The following ZNF331 variants were observed in gnomAD, a reference collection of about 807,000 sequenced individuals.
ZNF331 encodes zinc finger protein 331.
In ZNF331, 2 loss-of-function variants were observed where a neutral mutation model predicts 7.0. The ratio of observed to expected loss-of-function variants is 0.29; its 90% CI spans 0.12 to 0.90. The LOEUF (loss-of-function observed/expected upper bound fraction) is 0.90. Among genes scored for constraint, ZNF331 ranks in the 40% least tolerant of loss-of-function variants. The pLI is 0.58. For missense variants in ZNF331, 432 were observed against 587.7 expected (o/e 0.74, Z 2.74); for synonymous variants, 196 against 205.4 (o/e 0.95, Z 0.39).
At chr19:53,511,444 T>A in the ZNF331 span, among the ~76,000 whole-genome samples, 2 of 151,964 alleles carry the variant, frequency 1.3e-5, no homozygotes, top group African/African-American at 4.8e-5. Context: ...CAGGGTAAAT[T>A]AAAACTATAA....
upstream of ZNF331, among the ~76,000 whole-genome samples, chr19:53,519,703 A>C (rs2086994145): frequency 6.6e-6 from 1 of 152,224 alleles, no homozygotes; most frequent in Non-Finnish European, 1.5e-5. Context: ...AGTCTGGGAC[A>C]GCATCAGAGA....
upstream of ZNF331, among the ~76,000 whole-genome samples, chr19:53,534,432 C>T (rs1568467626): frequency 6.6e-6 from 1 of 152,074 alleles, no homozygotes; most frequent in Non-Finnish European, 1.5e-5. Context: ...GGATTACAGG[C>T]ATGCACCACC....
the ZNF331 span, among the ~76,000 whole-genome samples, chr19:53,509,371 C>A: frequency 6.6e-6 from 1 of 152,192 alleles, no homozygotes; most frequent in South Asian, 2.1e-4. Flanking sequence ...CTTTTCTGTT[C>A]CTCTTCCCAC....
chr19:53,576,233 C>T (rs922957104), intron 5 of ZNF331, among the ~76,000 whole-genome samples: 1 of 152,190 alleles, frequency 6.6e-6, no homozygotes, highest in Non-Finnish European at 1.5e-5. Flanking sequence ...ATCTGCCTGC[C>T]TTGGCCTCCC....
chr19:53,561,519 C>A (rs970967846), intron 3 of ZNF331, among the ~76,000 whole-genome samples: 1 of 152,040 alleles, frequency 6.6e-6, no homozygotes, highest in African/African-American at 2.4e-5. Context: ...TGGAATTTTG[C>A]TAATTAATCA....
chr19:53,541,785 T>TCACTTGAGGCCAGG (rs2088194098), intron 2 of ZNF331, among the ~76,000 whole-genome samples: 1 of 152,148 alleles, frequency 6.6e-6, no homozygotes. Context: ...AGCGGGATGA[T>TCACTTGAGGCCAGG]CACTTGAGGC....
At chr19:53,540,344 G>A (rs2088058623) in intron 2 of ZNF331, among the ~76,000 whole-genome samples, 2 of 152,220 alleles carry the variant, frequency 1.3e-5, no homozygotes, top group African/African-American at 4.8e-5. Context: ...CCATCTTGCT[G>A]TGTCCTCTCA....
chr19:53,543,733 C>T (rs1362245688), intron 2 of ZNF331, among the ~76,000 whole-genome samples: 1 of 152,066 alleles, frequency 6.6e-6, no homozygotes, highest in African/African-American at 2.4e-5. Flanking sequence ...TCATACTTGC[C>T]AGTTGTAACA....
At chr19:53,547,283 C>A (rs1236657259) in intron 2 of ZNF331, among the ~76,000 whole-genome samples, 1 of 152,190 alleles carries the variant, frequency 6.6e-6, no homozygotes, top group Non-Finnish European at 1.5e-5. Flanking sequence ...GTAATGACAT[C>A]ATGCAGGATT....
At chr19:53,535,018 CAAAAAAAAAAA>C (rs59509834), upstream of ZNF331, among the ~76,000 whole-genome samples, 18 of 127,354 alleles carry the variant, frequency 1.4e-4, no homozygotes, top group African/African-American at 4.6e-4. Context: ...AGCCTGTAAC[CAAAAAAAAAAA>C]AAAAAAAAAA....
chr19:53,559,089 TAC>T (rs1373846581), intron 3 of ZNF331, among the ~76,000 whole-genome samples: 1 of 142,066 alleles, frequency 7.0e-6, no homozygotes, highest in Non-Finnish European at 1.6e-5. Flanking sequence ...TATACACACC[TAC>T]ATATAGAGAC....
intron 3 of ZNF331, among the ~76,000 whole-genome samples, chr19:53,563,592 TA>T (rs147646452): frequency 0.037 from 5,495 of 147,632 alleles, 313 homozygotes; most frequent in African/African-American, 0.13. Flanking sequence ...TTAATGTAAG[TA>T]AAAAAAAAAG....
chr19:53,557,203 C>T (rs1204969079), intron 3 of ZNF331, among the ~76,000 whole-genome samples: 1 of 152,062 alleles, frequency 6.6e-6, no homozygotes, highest in Non-Finnish European at 1.5e-5. Flanking sequence ...AGCAATCCTC[C>T]CATTTCCACC....
At chr19:53,559,946 C>A (rs1390130981) in intron 3 of ZNF331, among the ~76,000 whole-genome samples, 2 of 148,920 alleles carry the variant, frequency 1.3e-5, no homozygotes, top group Non-Finnish European at 3.0e-5. Flanking sequence ...TACATACACA[C>A]CACACACACA....
the ZNF331 span, among the ~76,000 whole-genome samples, chr19:53,507,494 T>C: frequency 2.0e-5 from 3 of 152,128 alleles, no homozygotes; most frequent in African/African-American, 7.2e-5. Context: ...TCAAGATCTA[T>C]CATCGGTGAA....
At chr19:53,552,990 A>G (rs1040234966) in intron 2 of ZNF331, among the ~76,000 whole-genome samples, 1 of 152,078 alleles carries the variant, frequency 6.6e-6, no homozygotes, top group African/African-American at 2.4e-5. Flanking sequence ...AATTAAGAAC[A>G]TAGAGCCTAT....
chr19:53,576,755 A>G lies in ZNF331; in HGVS notation c.195A>G (p.Ile65Met), dbSNP rs1377651459. 1 of 1,613,718 alleles carries G rather than the reference A, an allele frequency of 6.2e-7. No homozygotes were observed. Among genetic ancestry groups the G allele is most frequent in the South Asian group, 1.1e-5 (1 of 90,978 alleles). The change falls in exon 6 of 6, where the codon ATA (isoleucine) becomes ATG (methionine). Residue 65 changes from isoleucine to methionine, a missense_variant. Around this residue, in one of 3 missense-constraint regions of ZNF331, gnomAD observed 81 missense variants for 70.3 expected, o/e 1.15. Transcript: ENST00000449416. ...SLPTEKNIHEIRASKRNSDRR... is the reference protein window; with the variant it reads ...SLPTEKNIHEMRASKRNSDRR... ...CTACAGAAAAAAACATTCATGAAAT[A>G]AGGGCTTCCAAAAGGAATTCAGATA...
intron 2 of ZNF331, among the ~76,000 whole-genome samples, chr19:53,551,426 C>T (rs1243573920): frequency 1.3e-5 from 2 of 152,068 alleles, no homozygotes; most frequent in Non-Finnish European, 2.9e-5. Flanking sequence ...GAAAGGCATC[C>T]AGCCCAGCCA....
intron 2 of ZNF331, among the ~76,000 whole-genome samples, chr19:53,552,734 A>G (rs529220485): frequency 1.3e-5 from 2 of 152,232 alleles, no homozygotes; most frequent in East Asian, 1.9e-4. Flanking sequence ...CCCTGTTTCA[A>G]AAAAATTAAA....
Sources: allele counts gnomAD v4.1 joint callset (sites outside exome capture counted in the v4.1 genomes callset), GRCh38; gene constraint gnomAD v4.1.1; regional missense constraint gnomAD v4.1.1; transcripts MANE v1.5; gene names NCBI Gene and HGNC (gene_info 2026-07-23, HGNC 2026-07-21).